TESK2: variants seen among roughly 807,000 people sequenced by gnomAD.
TESK2 encodes the protein testis associated actin remodelling kinase 2.
A neutral mutation model predicts 57.1 loss-of-function variants in TESK2; 39 were observed. That is an observed-to-expected ratio of 0.68 (90% confidence interval 0.53 to 0.89). The LOEUF (loss-of-function observed/expected upper bound fraction) is 0.89. Ranked by LOEUF, TESK2 falls within the 40% of genes least tolerant of loss-of-function variation. The pLI is 0.00. For synonymous variants in TESK2, 249 were observed against 267.9 expected (o/e 0.93, Z 0.69); for missense variants, 646 against 732.1 (o/e 0.88, Z 1.36).
intron 3 of TESK2, among the ~76,000 whole-genome samples, chr1:45,418,350 GTC>G (rs1162910501): frequency 6.6e-6 from 1 of 152,148 alleles, no homozygotes. Context: ...TTTGCTACCA[GTC>G]TCTCTAACAC....
At chr1:45,415,267 G>A (rs1650192085) in intron 3 of TESK2, 1 of 1,399,466 alleles carries the variant, frequency 7.1e-7, no homozygotes, top group East Asian at 2.3e-5. Context: ...GAATATTGTG[G>A]AGGCCATGGG....
chr1:45,391,200 G>A (rs373912583), intron 3 of TESK2, among the ~76,000 whole-genome samples: 3 of 147,584 alleles, frequency 2.0e-5, no homozygotes, highest in African/African-American at 7.5e-5. Flanking sequence ...ACAGGTGTGA[G>A]CCACTGCGCC....
intron 4 of TESK2, among the ~76,000 whole-genome samples, chr1:45,359,999 T>C (rs573578900): frequency 1.3e-5 from 2 of 152,326 alleles, no homozygotes; most frequent in Admixed American, 6.5e-5. Flanking sequence ...CTTCAGATCC[T>C]TGGAAGCGTC....
chr1:45,458,582 T>A (rs1223991066), intron 1 of TESK2, among the ~76,000 whole-genome samples: 2 of 149,470 alleles, frequency 1.3e-5, no homozygotes, highest in African/African-American at 2.5e-5. Context: ...AAAAAAAAAA[T>A]TGAAGTGCAA....
intron 3 of TESK2, among the ~76,000 whole-genome samples, chr1:45,396,465 G>A (rs1490050801): frequency 2.6e-5 from 4 of 151,950 alleles, no homozygotes; most frequent in Non-Finnish European, 4.4e-5. Flanking sequence ...CACTGGCAAC[G>A]ATGATAATGA....
chr1:45,446,725 G>C (rs1243934782), intron 2 of TESK2, among the ~76,000 whole-genome samples: 1 of 152,148 alleles, frequency 6.6e-6, no homozygotes, highest in Non-Finnish European at 1.5e-5. Context: ...GTTCTGCCCA[G>C]GGTAAAGCTA....
At chr1:45,474,996 C>A (rs1392517224) in intron 1 of TESK2, among the ~76,000 whole-genome samples, 1 of 148,714 alleles carries the variant, frequency 6.7e-6, no homozygotes, top group African/African-American at 2.5e-5. Context: ...CTGAAAAGGA[C>A]CACTTGGGGC....
chr1:45,440,516 C>T (rs1369338587), intron 2 of TESK2, among the ~76,000 whole-genome samples: 1 of 151,930 alleles, frequency 6.6e-6, no homozygotes, highest in Non-Finnish European at 1.5e-5. Flanking sequence ...GAGTTCAAGA[C>T]CAGCCTGGCC....
At chr1:45,410,763 T>A (rs1650007973) in intron 3 of TESK2, among the ~76,000 whole-genome samples, 1 of 151,496 alleles carries the variant, frequency 6.6e-6, no homozygotes, top group South Asian at 2.1e-4. Flanking sequence ...TTTATTTATT[T>A]TATTTTTTAT....
intron 2 of TESK2, among the ~76,000 whole-genome samples, chr1:45,456,917 G>C (rs1652132874): frequency 6.6e-6 from 1 of 152,086 alleles, no homozygotes; most frequent in Non-Finnish European, 1.5e-5. Context: ...AGGAAATACT[G>C]GGATTTGATG....
intron 4 of TESK2, among the ~76,000 whole-genome samples, chr1:45,363,375 C>T (rs1299146503): frequency 2.0e-5 from 3 of 152,066 alleles, no homozygotes; most frequent in African/African-American, 7.2e-5. Context: ...ACAATATAGC[C>T]AAGACAATCT....
chr1:45,388,995 C>T (rs765561178), intron 3 of TESK2, among the ~76,000 whole-genome samples: 1 of 152,096 alleles, frequency 6.6e-6, no homozygotes, highest in African/African-American at 2.4e-5. Flanking sequence ...GCTGGGATTA[C>T]AGGCGTGAGC....
chr1:45,485,439 G>C (rs550392757), intron 1 of TESK2, among the ~76,000 whole-genome samples: 1 of 151,564 alleles, frequency 6.6e-6, no homozygotes, highest in Non-Finnish European at 1.5e-5. Context: ...CGCCCGCCTC[G>C]GCCTCCCAAA....
At chr1:45,423,893 G>A (rs1276045807) in intron 2 of TESK2, among the ~76,000 whole-genome samples, 3 of 152,070 alleles carry the variant, frequency 2.0e-5, no homozygotes, top group Admixed American at 1.3e-4. Context: ...CTGTAAATGT[G>A]GTCTCATTGG....
At chr1:45,361,457 T>TA (rs1358766111) in intron 4 of TESK2, among the ~76,000 whole-genome samples, 1 of 152,254 alleles carries the variant, frequency 6.6e-6, no homozygotes, top group Non-Finnish European at 1.5e-5. Context: ...GTGTTATAGA[T>TA]ACTTCAATAC....
chr1:45,482,235 C>T (rs375135947), intron 1 of TESK2, among the ~76,000 whole-genome samples: 19 of 152,098 alleles, frequency 1.2e-4, no homozygotes, highest in Non-Finnish European at 2.2e-4. Context: ...TGACATTATA[C>T]GAAAAAGTTG....
chr1:45,416,346 C>T (rs1212360460), intron 3 of TESK2, among the ~76,000 whole-genome samples: 2 of 151,876 alleles, frequency 1.3e-5, no homozygotes, highest in Non-Finnish European at 2.9e-5. Flanking sequence ...ACCATCTTGC[C>T]CAGGCTGGTC....
chr1:45,481,706 T>C (rs373245045), intron 1 of TESK2, among the ~76,000 whole-genome samples: 4 of 151,196 alleles, frequency 2.6e-5, no homozygotes, highest in African/African-American at 9.9e-5. Context: ...ACAAAACACC[T>C]AGCCTAGAAA....
At position 45,457,645 on chromosome 1, in the gene TESK2, T is replaced by A; in HGVS notation, c.141A>T (p.Ile47=). The A allele has an allele frequency of 4.3e-6, 7 of 1,614,072 alleles. No individual in the cohort carries two copies. Among genetic ancestry groups the A allele is most frequent in the Non-Finnish European group, 5.9e-6 (7 of 1,180,012 alleles). The change falls in exon 2 of 11, where the codon ATA becomes ATT. Residue 47 remains isoleucine (I), a synonymous_variant. Coordinates refer to ENST00000372086, the MANE Select transcript of TESK2 (RefSeq NM_007170.3). ...AACGCGTCAGTCTGGAAAAGGCACT[T>A]ATAAGAGCTCGATACGAAGATGGCC... The part of the protein sequence containing the change: ...RVWPSSYRAL[I]SAFSRLTRLD...
Sources: gnomAD v4.1 joint callset for allele counts (sites outside exome capture counted in the v4.1 genomes callset) on GRCh38, gnomAD v4.1.1 for gene constraint, MANE v1.5 for transcripts, NCBI Gene and HGNC (gene_info 2026-07-23, HGNC 2026-07-21) for gene names.